TACC3: variants seen among roughly 807,000 people sequenced by gnomAD.
TACC3 encodes transforming acidic coiled-coil containing protein 3.
Under a neutral mutation model 86.0 loss-of-function variants are expected in TACC3, and 52 were observed. The observed-to-expected ratio is 0.60, with a 90% confidence interval of 0.48 to 0.76. TACC3 has a LOEUF of 0.76. TACC3 is among the 30% of genes least tolerant of loss of function. TACC3 has a pLI of 0.00. For synonymous variants in TACC3, 512 were observed against 430.0 expected (o/e 1.19, Z -2.36); for missense variants, 1,120 against 1,070.4 (o/e 1.05, Z -0.65).
intron 6 of TACC3, among the ~76,000 whole-genome samples, chr4:1,731,712 T>C (rs2108695784): frequency 6.6e-6 from 1 of 152,244 alleles, no homozygotes; most frequent in African/African-American, 2.4e-5. Context: ...CTGGGTTCAA[T>C]GCAACCTCCA....
At chr4:1,731,759 C>T (rs1196492814) in intron 6 of TACC3, among the ~76,000 whole-genome samples, 3 of 152,124 alleles carry the variant, frequency 2.0e-5, no homozygotes, top group Admixed American at 6.5e-5. Flanking sequence ...CTCAGCCTCC[C>T]AAGTAGCTGG....
At chr4:1,744,894 C>G in intron 15 of TACC3, 54 bp from the exon 16 acceptor site, 1 of 1,611,722 alleles carries the variant, frequency 6.2e-7, no homozygotes, top group South Asian at 1.1e-5. Context: ...GGCCCTTGGG[C>G]CTGCTGCTCC....
upstream of TACC3, chr4:1,720,704 T>C (rs1365843952): frequency 6.4e-7 from 1 of 1,555,820 alleles, no homozygotes; most frequent in Non-Finnish European, 8.7e-7. The surrounding 1 kb of genome is among the most constrained non-coding windows in gnomAD (Gnocchi z 4.4). Context: ...GAAGGCGGCG[T>C]CCTCGCTGCC....
intron 11 of TACC3, 68 bp from the exon 12 acceptor site, chr4:1,739,891 C>T (rs1024137932): frequency 9.3e-6 from 15 of 1,605,356 alleles, no homozygotes; most frequent in Non-Finnish European, 1.3e-5. Context: ...TCCCCGTCCC[C>T]ATCCCCACCT....
chr4:1,742,291 A>G (rs1718633009), intron 13 of TACC3, among the ~76,000 whole-genome samples: 1 of 152,192 alleles, frequency 6.6e-6, no homozygotes, highest in African/African-American at 2.4e-5. Flanking sequence ...GACTCTTCAC[A>G]CGGTGCTGCT....
intron 12 of TACC3, chr4:1,740,521 A>T: frequency 2.9e-6 from 1 of 341,166 alleles, no homozygotes; most frequent in Middle Eastern, 8.1e-4. Context: ...CACATCCTGG[A>T]GCTCGCCATA....
chr4:1,739,629 C>A, intron 10 of TACC3, 73 bp from the exon 11 acceptor site: 1 of 1,421,936 alleles, frequency 7.0e-7, no homozygotes, highest in Non-Finnish European at 9.7e-7. Context: ...GCGGGCTGGC[C>A]CCATCCTGTG....
rs1472922539 is a variant in TACC3, at chr4:1,737,861, C to T, written c.1941+159C>T. 7 of 775,970 alleles carry T rather than the reference C, an allele frequency of 9.0e-6. 1 individual carries two copies. In the Admixed American group the frequency reaches 1.4e-4, roughly 16 times the overall value. 48.1% of individuals were successfully genotyped at this position (775,970 alleles called of 1,614,324 possible). A position where few individuals can be genotyped will look rare whatever the true frequency, so the allele number is the denominator to read the frequency against. On this transcript the variant is annotated intron_variant, in intron 10 of 15. Coordinates refer to ENST00000313288, the MANE Select transcript of TACC3 (RefSeq NM_006342.3). ...AGAGAGCTGCCGGCCCCTGGCCTGT[C>T]ACTACTGCCCAGGTCGCTGAGGGTC...
chr4:1,730,046 G>C (rs551979646), intron 4 of TACC3, among the ~76,000 whole-genome samples: 2 of 152,224 alleles, frequency 1.3e-5, no homozygotes, highest in East Asian at 3.9e-4. Flanking sequence ...TTGTTTGTTT[G>C]TTTGTTTTTT....
At position 1,730,872 on chromosome 4, in the gene TACC3, ACT is replaced by A. The variant is rs776123625; in HGVS notation, c.1386-12_1386-11del. The A allele has an allele frequency of 1.7e-5, 28 of 1,612,282 alleles. No homozygotes were observed. The highest frequency in any genetic ancestry group is 1.7e-4 in the Middle Eastern group (1 of 5,844). ...GGGTGGGGGGCATGGGCCTCTGCTG[ACT>A]CTGTCTCCCCAGGCAGCTGCATTCA... On this transcript the variant is annotated splice_polypyrimidine_tract_variant and intron_variant, in intron 4 of 15. Transcript: ENST00000313288.
chr4:1,744,357 G>C, intron 13 of TACC3, 161 bp from the exon 14 acceptor site: 1 of 646,604 alleles, frequency 1.5e-6, no homozygotes, highest in Non-Finnish European at 2.7e-6. Flanking sequence ...GGTGAGCTGG[G>C]AACTTGTGTG....
intron 12 of TACC3, 149 bp downstream of exon 12, chr4:1,740,151 GAA>G: frequency 1.3e-6 from 1 of 755,542 alleles, no homozygotes; most frequent in Non-Finnish European, 2.2e-6. Context: ...CCCGGCCGTG[GAA>G]GCACTGAGGC....
intron 13 of TACC3, chr4:1,741,543 G>A (rs1718601207): frequency 6.6e-6 from 1 of 152,442 alleles, no homozygotes; most frequent in South Asian, 2.1e-4. Flanking sequence ...AGGCCTGGAA[G>A]GTGCCTGCGA....
chr4:1,729,788 C>G (rs1717906742), intron 4 of TACC3, among the ~76,000 whole-genome samples: 1 of 152,178 alleles, frequency 6.6e-6, no homozygotes, highest in Admixed American at 6.5e-5. Flanking sequence ...TCTTCTCTAA[C>G]TCCCCCAGGG....
Position 1,727,708 on chromosome 4 carries a change from C to G in TACC3, c.306C>G (p.Asn102Lys). 1.9e-6 allele frequency: 3 copies of G among 1,575,496 alleles called. No homozygotes were observed. Among genetic ancestry groups the G allele is most frequent in the Non-Finnish European group, 2.6e-6 (3 of 1,160,244 alleles). ...ACGTTGATTAAGTCTCTTTTAAAAGCCAACAGCTCATCAAGGAAGTGGATG... is the reference window on the plus strand; with the variant it reads ...ACGTTGATTAAGTCTCTTTTAAAAGGCAACAGCTCATCAAGGAAGTGGATG... Reference protein sequence around the residue: ...NSHPVWTQKENQQLIKEVDAK... With the variant: ...NSHPVWTQKEKQQLIKEVDAK... The change falls in exon 4 of 16, where the codon AAC becomes AAG. Residue 102 changes from asparagine to lysine, a missense_variant and splice_region_variant. Physicochemically the swap from Asn to Lys is moderately conservative, Grantham distance 94 (BLOSUM62 0). Coordinates refer to ENST00000313288, the MANE Select transcript of TACC3 (RefSeq NM_006342.3).
intron 1 of TACC3, 173 bp from the exon 2 acceptor site, chr4:1,723,248 C>G: frequency 1.5e-6 from 1 of 662,418 alleles, no homozygotes; most frequent in East Asian, 2.8e-5. Context: ...AAGATGGGGA[C>G]TCAGTCTGAG....
chr4:1,731,136 C>G, intron 5 of TACC3, 36 bp from the exon 6 acceptor site: 4 of 1,610,478 alleles, frequency 2.5e-6, no homozygotes, highest in Admixed American at 1.7e-5. Context: ...AGTACCTTGA[C>G]TGCACTGCAC....
chr4:1,735,156 A>C lies in TACC3; in HGVS notation c.1592-117A>C. The C allele has an allele frequency of 1.4e-6, 2 of 1,397,084 alleles. No individual in the cohort carries two copies. The highest frequency in any genetic ancestry group is 2.0e-6 in the Non-Finnish European group (2 of 1,001,562). 86.5% of individuals were successfully genotyped at this position (1,397,084 alleles called of 1,614,324 possible). ...CCCCGAACATCCACACCTCCAAGGGAGGAAATACTGCTGGCTGGAATGATC... is the reference window on the plus strand; with the variant it reads ...CCCCGAACATCCACACCTCCAAGGGCGGAAATACTGCTGGCTGGAATGATC... On this transcript the variant is annotated intron_variant, in intron 6 of 15. Transcript: ENST00000313288. The surrounding 1 kb of genome is among the most constrained non-coding windows in gnomAD (Gnocchi z 4.2).
In TACC3 at chr4:1,737,241, C is replaced by T; in HGVS notation, c.1749C>T (p.Ser583=). 1 of 1,613,892 alleles carries T rather than the reference C, an allele frequency of 6.2e-7. No individual in the cohort carries two copies. The highest frequency in any genetic ancestry group is 1.1e-5 in the South Asian group (1 of 91,068). Residue 583 remains serine, a splice_region_variant and synonymous_variant, in exon 9 of 16, where the codon AGC becomes AGT. Transcript: ENST00000313288. ...TGAGGCTGCCTCTGCTTGGTGGCAG[C>T]ATGCACGGTGCAAATGAGACTCCCT... ...RPVPVATETS[S]MHGANETPSG...
Sources: allele counts gnomAD v4.1 joint callset (sites outside exome capture counted in the v4.1 genomes callset), GRCh38; gene constraint gnomAD v4.1.1; non-coding constraint Gnocchi (gnomAD v3.1); transcripts MANE v1.5; gene names NCBI Gene and HGNC (gene_info 2026-07-23, HGNC 2026-07-21).